Variants in ERC2 observed in about 807,000 individuals in gnomAD.
ERC2 encodes the protein ERC protein 2.
Under a neutral mutation model 114.8 loss-of-function variants are expected in ERC2, and 42 were observed. The observed-to-expected ratio is 0.37, with a 90% CI of 0.29 to 0.47. The LOEUF (loss-of-function observed/expected upper bound fraction) is 0.47, where lower values mean the gene tolerates loss of function less well. Among genes scored for constraint, ERC2 ranks in the 20% least tolerant of loss-of-function variants. The pLI is 0.99. For missense variants in ERC2, 939 were observed against 1,150.7 expected (o/e 0.82, Z 2.66); for synonymous variants, 454 against 425.5 (o/e 1.07, Z -0.82).
Position 56,404,269 on chromosome 3 carries a change from T to C in ERC2, c.657+30082A>G, listed in dbSNP as rs1227402068. Among the ~76,000 whole-genome samples, 5 of 152,254 alleles carry C rather than the reference T, an allele frequency of 3.3e-5. No individual in the cohort carries two copies. The South Asian group carries it at 8.3e-4, about 25-fold the overall frequency. The stretch of plus-strand genomic sequence containing the variant: ...CTAAATTAATTCTAATGATATTAAA[T>C]TTTTGCAGTCATTCTTATCCTTTTC... On this transcript the variant is annotated intron_variant, in intron 2 of 17. Coordinates refer to ENST00000288221, the MANE Select transcript of ERC2 (RefSeq NM_015576.3).
chr3:55,804,297 C>T (rs75849295), intron 14 of ERC2, among the ~76,000 whole-genome samples: 21,114 of 152,134 alleles, frequency 0.14, 1,688 homozygotes, highest in East Asian at 0.23. Flanking sequence ...CCTGCATTTA[C>T]TCACAGAGTA....
intron 2 of ERC2, among the ~76,000 whole-genome samples, chr3:56,359,398 AAGC>A (rs1465940917): frequency 6.6e-6 from 1 of 152,258 alleles, no homozygotes; most frequent in African/African-American, 2.4e-5. Context: ...AGTGATTAAA[AAGC>A]AGAACCACTT....
At chr3:55,654,592 A>G (rs968579527) in intron 17 of ERC2, among the ~76,000 whole-genome samples, 3 of 152,222 alleles carry the variant, frequency 2.0e-5, no homozygotes, top group African/African-American at 7.2e-5. Context: ...AACAGAGGAG[A>G]ATGGAGTCTC....
intron 17 of ERC2, among the ~76,000 whole-genome samples, chr3:55,551,750 A>C (rs1275208304): frequency 6.6e-6 from 1 of 152,188 alleles, no homozygotes; most frequent in Admixed American, 6.5e-5. Flanking sequence ...AGCTTTACTC[A>C]AAGTCCTCCG....
intron 6 of ERC2, among the ~76,000 whole-genome samples, chr3:56,100,873 T>A (rs964353231): frequency 2.6e-5 from 4 of 152,138 alleles, no homozygotes; most frequent in Admixed American, 1.3e-4. Flanking sequence ...ACACATGCTA[T>A]AAGAGTTATT....
chr3:56,357,385 G>C (rs749813256), intron 2 of ERC2, among the ~76,000 whole-genome samples: 6 of 152,212 alleles, frequency 3.9e-5, no homozygotes, highest in Non-Finnish European at 8.8e-5. Flanking sequence ...AACTTCACAA[G>C]CTTGCCCCAG....
chr3:55,988,805 C>T (rs1021705366), intron 11 of ERC2, among the ~76,000 whole-genome samples: 2 of 152,200 alleles, frequency 1.3e-5, no homozygotes, highest in African/African-American at 2.4e-5. Flanking sequence ...ATACATGTCA[C>T]ATTGCTAAGA....
intron 12 of ERC2, among the ~76,000 whole-genome samples, chr3:55,980,163 A>G (rs917597731): frequency 2.0e-5 from 3 of 151,598 alleles, no homozygotes; most frequent in African/African-American, 7.3e-5. Flanking sequence ...TACCCAAAGT[A>G]AAATCAGCTG....
At chr3:56,100,006 G>C (rs2078268080) in intron 6 of ERC2, among the ~76,000 whole-genome samples, 1 of 152,124 alleles carries the variant, frequency 6.6e-6, no homozygotes, top group African/African-American at 2.4e-5. Context: ...AAAAAGGACT[G>C]AGGGGAGGCA....
intron 17 of ERC2, among the ~76,000 whole-genome samples, chr3:55,634,178 A>G (rs1346924180): frequency 6.6e-6 from 1 of 152,246 alleles, no homozygotes; most frequent in Non-Finnish European, 1.5e-5. Context: ...AGAATGCCCC[A>G]GACACGAAGA....
intron 2 of ERC2, among the ~76,000 whole-genome samples, chr3:56,318,791 A>C (rs921428300): frequency 6.6e-6 from 1 of 151,868 alleles, no homozygotes; most frequent in Admixed American, 6.6e-5. Flanking sequence ...TATAAAAAAA[A>C]AAAGCTAAAG....
intron 3 of ERC2, among the ~76,000 whole-genome samples, chr3:56,269,975 G>A (rs188317281): frequency 3.1e-4 from 47 of 152,184 alleles, no homozygotes; most frequent in Admixed American, 5.9e-4. Context: ...ATTGGAAGCC[G>A]TTCCAAGGAC....
intron 10 of ERC2, among the ~76,000 whole-genome samples, chr3:56,003,726 G>A (rs76854402): frequency 3.9e-5 from 6 of 152,156 alleles, no homozygotes; most frequent in African/African-American, 9.6e-5. Flanking sequence ...CCAAAATACT[G>A]TATTATCCAT....
chr3:56,002,134 A>C (rs1167036147), intron 10 of ERC2, among the ~76,000 whole-genome samples: 1 of 152,166 alleles, frequency 6.6e-6, no homozygotes, highest in Non-Finnish European at 1.5e-5. Context: ...TAAAGAATGG[A>C]GGGTGGAGGC....
intron 7 of ERC2, among the ~76,000 whole-genome samples, chr3:56,028,610 T>C (rs756928344): frequency 1.1e-4 from 16 of 152,120 alleles, no homozygotes; most frequent in Non-Finnish European, 2.1e-4. Context: ...CCACATATTC[T>C]GTTGTTAGTA....
At chr3:55,857,506 T>A (rs1004982232) in intron 14 of ERC2, among the ~76,000 whole-genome samples, 2 of 152,226 alleles carry the variant, frequency 1.3e-5, no homozygotes, top group Non-Finnish European at 2.9e-5. Context: ...CAACCACCAC[T>A]ATTATCTAAA....
chr3:56,097,854 A>G (rs1184396156), intron 6 of ERC2, among the ~76,000 whole-genome samples: 1 of 152,230 alleles, frequency 6.6e-6, no homozygotes, highest in African/African-American at 2.4e-5. Context: ...GTCACTAGGC[A>G]TTTACCCATT....
intron 3 of ERC2, among the ~76,000 whole-genome samples, chr3:56,278,992 C>A (rs898791075): frequency 2.0e-5 from 3 of 152,202 alleles, no homozygotes; most frequent in Admixed American, 6.5e-5. Context: ...ATAGCATGTG[C>A]CATACCAGGC....
chr3:56,110,947 T>C (rs182262094), intron 6 of ERC2, among the ~76,000 whole-genome samples: 246 of 152,298 alleles, frequency 1.6e-3, no homozygotes, highest in Non-Finnish European at 3.1e-3. Flanking sequence ...TCATATGGAA[T>C]ACTCCTAGTT....
Sources: allele counts gnomAD v4.1 joint callset (sites outside exome capture counted in the v4.1 genomes callset), GRCh38; gene constraint gnomAD v4.1.1; transcripts MANE v1.5; gene names NCBI Gene and HGNC (gene_info 2026-07-23, HGNC 2026-07-21).